Variants in BCL6 observed in about 807,000 individuals in gnomAD.
The protein encoded by BCL6 is BCL6 transcription repressor, also known as B-cell lymphoma 6 protein.
A neutral mutation model predicts 59.5 loss-of-function variants in BCL6; 7 were observed. That is an observed-to-expected ratio of 0.12 (90% CI 0.07 to 0.22). BCL6 has a LOEUF of 0.22. BCL6 is among the 10% of genes least tolerant of loss of function. BCL6 has a pLI of 1.00. For missense variants in BCL6, 685 were observed against 939.4 expected (o/e 0.73, Z 3.54); for synonymous variants, 339 against 349.7 (o/e 0.97, Z 0.34).
rs779359717 is a variant in BCL6, at chr3:187,728,509, C to A, written c.1391G>T (p.Ser464Ile). ...MTGSPRSSSESHSPLYMHPPK... is the reference protein window; with the variant it reads ...MTGSPRSSSEIHSPLYMHPPK... The stretch of plus-strand genomic sequence containing the variant: ...GGGGTGCATGTAGAGTGGTGAGTGG[C>A]TCTCGCTGCTGCTGCGGGGAGAGCC... The change falls in exon 6 of 10, where the codon AGC becomes ATC. Residue 464 changes from serine (S) to isoleucine (I), a missense_variant. This residue lies in a region of BCL6 where 207 missense variants were observed against 213.7 expected (regional missense o/e 0.97). Transcript: ENST00000406870. The A allele has an allele frequency of 6.2e-7, 1 of 1,610,268 alleles. No homozygotes were observed. The highest frequency in any genetic ancestry group is 8.5e-7 in the Non-Finnish European group (1 of 1,179,218).
At chr3:187,732,741 T>C (rs577945190) in intron 3 of BCL6, among the ~76,000 whole-genome samples, 2 of 152,318 alleles carry the variant, frequency 1.3e-5, no homozygotes, top group African/African-American at 4.8e-5. Context: ...AGAATAAAAA[T>C]GTAAAGGATA....
At chr3:187,745,020 T>C (rs571326909) in intron 1 of BCL6, among the ~76,000 whole-genome samples, 2 of 150,078 alleles carry the variant, frequency 1.3e-5, no homozygotes, top group South Asian at 2.1e-4. Context: ...CGCCCCCTAA[T>C]TCCCCTCCTT....
chr3:187,725,730 G>A lies in BCL6; in HGVS notation c.1709-101C>T. On this transcript the variant is annotated intron_variant, in intron 7 of 9. Transcript: ENST00000406870. The surrounding 1 kb of genome is among the most constrained non-coding windows in gnomAD (Gnocchi z 4.7). The stretch of plus-strand genomic sequence containing the variant: ...TCTAAGCAGCCTGCTCCTCCCTGAG[G>A]CCACTTGTGTTTTCCTTTCCCTTAG... The A allele has an allele frequency of 6.9e-7, 1 of 1,439,390 alleles. No individual in the cohort carries two copies. The highest frequency in any genetic ancestry group is 9.5e-7 in the Non-Finnish European group (1 of 1,054,654). The allele number at this position is 1,439,390 out of a possible 1,614,324, so 89.2% of individuals were successfully genotyped here.
Position 187,733,524 on chromosome 3 carries a change from AT to A in BCL6, c.161+8del, listed in dbSNP as rs1357644224. On this transcript the variant is annotated splice_region_variant and intron_variant, in intron 3 of 9. Coordinates refer to ENST00000406870, the MANE Select transcript of BCL6 (RefSeq NM_001706.5). ...TGACTTACCCACCCTTTCCTTTCAGATCCCTCACCTGCAGGCCATGAGGACC... is the reference window on the plus strand; with the variant it reads ...TGACTTACCCACCCTTTCCTTTCAGACCCTCACCTGCAGGCCATGAGGACC... 1 of 1,611,272 alleles carries A rather than the reference AT, an allele frequency of 6.2e-7. No individual in the cohort carries two copies. Among genetic ancestry groups the A allele is most frequent in the African/African-American group, 1.3e-5 (1 of 74,728 alleles).
At chr3:187,724,304 A>G (rs982566249) in intron 9 of BCL6, among the ~76,000 whole-genome samples, 2 of 152,206 alleles carry the variant, frequency 1.3e-5, no homozygotes, top group East Asian at 3.8e-4. Context: ...TTTTAACTGT[A>G]AAAACCATTC....
At chr3:187,730,138 C>T (rs1491997) in intron 4 of BCL6, 117 bp from the exon 5 acceptor site, 808,544 of 1,353,752 alleles carry the variant, frequency 0.6, 250,964 homozygotes, top group East Asian at 0.76. Flanking sequence ...ACATAGGTGA[C>T]GTGGCTCTGG....
chr3:187,739,852 C>T (rs1711528491), intron 1 of BCL6, among the ~76,000 whole-genome samples: 1 of 152,158 alleles, frequency 6.6e-6, no homozygotes, highest in Non-Finnish European at 1.5e-5. Flanking sequence ...TTTAAAAATC[C>T]GATCTGGAAA....
intron 3 of BCL6, 111 bp from the exon 4 acceptor site, chr3:187,732,041 C>T (rs919662485): frequency 1.1e-4 from 92 of 850,288 alleles, no homozygotes; most frequent in African/African-American, 3.6e-4. Context: ...AGAACTTCTA[C>T]GGTAATTAAT....
intron 1 of BCL6, among the ~76,000 whole-genome samples, chr3:187,744,545 A>G (rs1711790793): frequency 6.6e-6 from 1 of 152,320 alleles, no homozygotes; most frequent in South Asian, 2.1e-4. Context: ...AATAGTAGAC[A>G]CGATACTTCA....
chr3:187,745,356 A>T, intron 1 of BCL6, 54 bp downstream of exon 1: 1 of 402,082 alleles, frequency 2.5e-6, no homozygotes. Flanking sequence ...CAGCGGCAAC[A>T]GCGGCGGCGG....
At chr3:187,727,644 C>G (rs1292178352) in intron 6 of BCL6, among the ~76,000 whole-genome samples, 2 of 152,192 alleles carry the variant, frequency 1.3e-5, no homozygotes, top group Non-Finnish European at 2.9e-5. Context: ...TCCCCGCTCT[C>G]CCATCTATGG....
intron 1 of BCL6, chr3:187,737,353 GAGA>G (rs1719330351): frequency 1.6e-5 from 1 of 61,614 alleles, no homozygotes; most frequent in Non-Finnish European, 3.7e-5. Flanking sequence ...ACGACAGAGA[GAGA>G]GAGAGAGAGA....
chr3:187,729,702 C>A lies in BCL6; in HGVS notation c.703G>T (p.Ala235Ser). Residue 235 changes from alanine (A) to serine (S), a missense_variant, in exon 5 of 10, where the codon GCC (alanine) becomes TCC (serine). Physicochemically the swap from Ala to Ser is moderately conservative, Grantham distance 99. This residue lies in a region of BCL6 where 268 missense variants were observed against 263.8 expected (regional missense o/e 1.02). Coordinates refer to ENST00000406870, the MANE Select transcript of BCL6 (RefSeq NM_001706.5). The surrounding 1 kb of genome is among the most constrained non-coding windows in gnomAD (Gnocchi z 5.6). Reference sequence around the variant, plus strand: ...CTGTACTCACCAGGGACTGGCCTGGCACTATCACATGGGAGTGCCCGCTCC... The same window carrying A: ...CTGTACTCACCAGGGACTGGCCTGGAACTATCACATGGGAGTGCCCGCTCC... ...PKERALPCDS[A>S]RPVPGEYSRP... is the part of the protein sequence containing the mutation. 1.9e-6 allele frequency: 3 copies of A among 1,614,122 alleles called. No homozygotes were observed. The highest frequency in any genetic ancestry group is 2.5e-6 in the Non-Finnish European group (3 of 1,180,000).
intron 5 of BCL6, 67 bp from the exon 6 acceptor site, chr3:187,728,611 G>T: frequency 6.7e-7 from 1 of 1,489,412 alleles, no homozygotes; most frequent in Admixed American, 2.3e-5. Context: ...TCTCCTCCCT[G>T]TGTGTAGGCA....
intron 5 of BCL6, among the ~76,000 whole-genome samples, 164 bp downstream of exon 5, chr3:187,728,886 C>T (rs559583589): frequency 1.3e-5 from 2 of 152,212 alleles, no homozygotes; most frequent in East Asian, 1.9e-4. Flanking sequence ...AAAAAATATA[C>T]ACTACTTAAG....
rs1259353913 is a variant in BCL6 at position 187,729,731 on chromosome 3, G to A, written c.674C>T (p.Pro225Leu). The A allele has an allele frequency of 6.2e-7, 1 of 1,614,168 alleles. No individual in the cohort carries two copies. The highest frequency in any genetic ancestry group is 8.5e-7 in the Non-Finnish European group (1 of 1,180,022). Residue 225 changes from proline to leucine, a missense_variant, in exon 5 of 10, where the codon CCC becomes CTC. Physicochemically the swap from Pro to Leu is moderately conservative, Grantham distance 98. Coordinates refer to ENST00000406870, the MANE Select transcript of BCL6 (RefSeq NM_001706.5). The surrounding 1 kb of genome is among the most constrained non-coding windows in gnomAD (Gnocchi z 5.6). ...DVRMPVANPF[P>L]KERALPCDSA... ...ATCACATGGGAGTGCCCGCTCCTTG[G>A]GGAAGGGGTTGGCCACAGGCATCCG... is the stretch of plus-strand genomic sequence containing the variant.
chr3:187,724,871 T>C (rs918152896), intron 9 of BCL6, 70 bp downstream of exon 9: 2 of 1,597,600 alleles, frequency 1.3e-6, no homozygotes, highest in Non-Finnish European at 1.7e-6. Context: ...CCTCCTTCCC[T>C]GCGCTCCACC....
chr3:187,740,420 C>G (rs975529030), intron 1 of BCL6, among the ~76,000 whole-genome samples: 1 of 152,074 alleles, frequency 6.6e-6, no homozygotes, highest in Non-Finnish European at 1.5e-5. Context: ...CGTGTCATTA[C>G]CGAAAATCTT....
At position 187,725,451 on chromosome 3, in the gene BCL6, C is replaced by A. The variant is rs759391036; in HGVS notation, c.1839+48G>T. 5 of 1,550,274 alleles carry A rather than the reference C, an allele frequency of 3.2e-6. No individual in the cohort carries two copies. The Admixed American group carries it at 7.1e-5, about 22-fold the overall frequency. ...GCCTGCCCACTCCTCCGCTCGCCTG[C>A]CCGCTCCGCTCGCCTGCCCGCTCCG... is the stretch of plus-strand genomic sequence containing the variant. On this transcript the variant is annotated intron_variant, in intron 8 of 9. Coordinates refer to ENST00000406870, the MANE Select transcript of BCL6 (RefSeq NM_001706.5). The surrounding 1 kb of genome is among the most constrained non-coding windows in gnomAD (Gnocchi z 4.7).
Sources: gnomAD v4.1 joint callset for allele counts (sites outside exome capture counted in the v4.1 genomes callset) on GRCh38, gnomAD v4.1.1 for gene constraint, gnomAD v4.1.1 regional missense constraint, Gnocchi (gnomAD v3.1) non-coding constraint, MANE v1.5 for transcripts, NCBI Gene and HGNC (gene_info 2026-07-23, HGNC 2026-07-21) for gene names.